The following RASA2 variants were observed in gnomAD, a reference collection of about 807,000 sequenced individuals.
The protein encoded by RASA2 is ras GTPase-activating protein 2.
In RASA2, 155 loss-of-function variants were observed where a neutral mutation model predicts 118.2. The ratio of observed to expected loss-of-function variants is 1.31; its 90% CI spans 1.15 to 1.50. The LOEUF (loss-of-function observed/expected upper bound fraction) is 1.50. Among genes scored for constraint, RASA2 ranks in the 40% most tolerant of loss-of-function variants. RASA2 has a pLI of 0.00. For missense variants in RASA2, 1,016 were observed against 1,009.6 expected (o/e 1.01, Z -0.09); for synonymous variants, 353 against 349.1 (o/e 1.01, Z -0.12).
chr3:141,586,884 C>T (rs185941246), intron 19 of RASA2, 132 bp downstream of exon 19: 52 of 752,752 alleles, frequency 6.9e-5, no homozygotes, highest in Middle Eastern at 2.3e-4. Flanking sequence ...CTGATACATA[C>T]GTACTAAGAA....
Position 141,559,993 on chromosome 3 carries a change from C to T in RASA2, c.861C>T (p.Ala287=). Residue 287 remains alanine (A), a splice_region_variant and synonymous_variant, in exon 9 of 24, where the codon GCC becomes GCT. Coordinates refer to ENST00000286364, the MANE Select transcript of RASA2 (RefSeq NM_006506.5). ...TAAGAACTGATTCCTCTCATCAAGC[C>T]TGGTAAGGGCCCAGCATTTTAGTGA... is the stretch of plus-strand genomic sequence containing the variant. ...NVLRTDSSHQ[A]WYLLQPRDNG... is the part of the protein sequence containing the mutation. 6.2e-7 allele frequency: 1 copy of T among 1,610,422 alleles called. No individual in the cohort carries two copies. Among genetic ancestry groups the T allele is most frequent in the Non-Finnish European group, 8.5e-7 (1 of 1,176,964 alleles).
intron 1 of RASA2, among the ~76,000 whole-genome samples, chr3:141,497,002 C>A (rs1291795998): frequency 6.6e-6 from 1 of 152,128 alleles, no homozygotes; most frequent in East Asian, 1.9e-4. Flanking sequence ...TGGATGAATT[C>A]ATGTCCTTTG....
intron 19 of RASA2, among the ~76,000 whole-genome samples, chr3:141,591,980 C>T (rs1418567850): frequency 1.3e-5 from 2 of 151,804 alleles, no homozygotes; most frequent in Non-Finnish European, 2.9e-5. Flanking sequence ...ATGTACCAGA[C>T]ACTGTTCTAG....
In RASA2 at chr3:141,602,612, T is replaced by C. The variant is rs115343132; in HGVS notation, c.1934-5066T>C. Among the ~76,000 whole-genome samples the C allele has an allele frequency of 5.7e-4, 87 of 152,314 alleles. No homozygotes were observed. The South Asian group carries it at 0.017, about 29-fold the overall frequency. On this transcript the variant is annotated intron_variant, in intron 19 of 23. Transcript: ENST00000286364. Reference sequence around the variant, plus strand: ...GTTTGTTCTGAATGCTTGCCTAGACTAAAACTGCAGTCTCTCTCTCTTACT... The same window carrying C: ...GTTTGTTCTGAATGCTTGCCTAGACCAAAACTGCAGTCTCTCTCTCTTACT...
intron 1 of RASA2, among the ~76,000 whole-genome samples, chr3:141,506,531 A>T (rs1301982744): frequency 6.6e-6 from 1 of 152,168 alleles, no homozygotes; most frequent in Non-Finnish European, 1.5e-5. Flanking sequence ...ATTCTTATTA[A>T]TTTAGGGTCA....
chr3:141,487,097 C>T lies in RASA2; in HGVS notation c.14C>T (p.Ala5Val), dbSNP rs1394181436. The change falls in exon 1 of 24, where the codon GCG (alanine) becomes GTG (valine). Residue 5 changes from alanine (A) to valine (V), a missense_variant. Ala to Val is a moderately conservative substitution (Grantham distance 64, BLOSUM62 0). Transcript: ENST00000286364. MAAA[A>V]PAAAAASSEA... ...CCGGGCGGCACCATGGCGGCGGCGG[C>T]GCCTGCTGCTGCGGCGGCTTCTTCC... 7.2e-6 allele frequency: 10 copies of T among 1,381,086 alleles called. No individual in the cohort carries two copies. In the Admixed American group the frequency reaches 2.0e-4, roughly 28 times the overall value. 85.6% of individuals were successfully genotyped at this position (1,381,086 alleles called of 1,614,324 possible).
intron 1 of RASA2, among the ~76,000 whole-genome samples, chr3:141,508,111 T>C (rs1367931424): frequency 6.6e-6 from 1 of 152,130 alleles, no homozygotes; most frequent in East Asian, 1.9e-4. Flanking sequence ...TTTTATTGTT[T>C]TATAATGACT....
At chr3:141,547,692 A>G (rs111510606) in intron 5 of RASA2, among the ~76,000 whole-genome samples, 3,373 of 152,130 alleles carry the variant, frequency 0.022, 131 homozygotes, top group African/African-American at 0.076. Context: ...CTTTATTTCT[A>G]TCTCTTGTCT....
At chr3:141,551,214 A>G (rs2082570279) in intron 5 of RASA2, among the ~76,000 whole-genome samples, 1 of 152,216 alleles carries the variant, frequency 6.6e-6, no homozygotes, top group Non-Finnish European at 1.5e-5. Flanking sequence ...TGGTTAAGTT[A>G]CTTAGAAACA....
At chr3:141,583,146 G>T (rs1305203770) in intron 17 of RASA2, among the ~76,000 whole-genome samples, 1 of 152,140 alleles carries the variant, frequency 6.6e-6, no homozygotes. Context: ...ATTATTGGCT[G>T]GGTGCAGTGG....
At chr3:141,530,826 A>G (rs547896342) in intron 4 of RASA2, among the ~76,000 whole-genome samples, 1 of 152,100 alleles carries the variant, frequency 6.6e-6, no homozygotes, top group Non-Finnish European at 1.5e-5. Context: ...GACCATAGCT[A>G]TTATTCAGAT....
intron 5 of RASA2, among the ~76,000 whole-genome samples, chr3:141,542,413 C>T (rs1230436918): frequency 6.6e-6 from 1 of 152,150 alleles, no homozygotes; most frequent in East Asian, 1.9e-4. Context: ...CTGTTATCCT[C>T]ATTTTGCAGA....
intron 4 of RASA2, among the ~76,000 whole-genome samples, chr3:141,534,983 TA>T (rs886213601): frequency 3.3e-5 from 5 of 152,210 alleles, no homozygotes; most frequent in African/African-American, 1.2e-4. Flanking sequence ...GAAGTTGGGA[TA>T]TTTTTCACCT....
At chr3:141,515,124 G>A (rs150171044) in intron 2 of RASA2, among the ~76,000 whole-genome samples, 183 of 152,114 alleles carry the variant, frequency 1.2e-3, no homozygotes, top group African/African-American at 4.2e-3. Context: ...CTTTAAATTG[G>A]ATTTTTATTG....
intron 5 of RASA2, among the ~76,000 whole-genome samples, chr3:141,544,510 T>C (rs549559486): frequency 6.6e-6 from 1 of 152,324 alleles, no homozygotes; most frequent in East Asian, 1.9e-4. Context: ...GTCTTCAAGT[T>C]CACTGATTCT....
intron 3 of RASA2, among the ~76,000 whole-genome samples, chr3:141,525,582 G>A (rs1196089555): frequency 6.6e-6 from 1 of 152,112 alleles, no homozygotes; most frequent in Non-Finnish European, 1.5e-5. Context: ...AAGGCAGTTG[G>A]ACTGCTTAAG....
chr3:141,549,472 AGTGTGTGTGTGCGT>A (rs1225195631), intron 5 of RASA2, among the ~76,000 whole-genome samples: 1 of 134,724 alleles, frequency 7.4e-6, no homozygotes. Context: ...AGTGTGTATG[AGTGTGTGTGTGCGT>A]GTGTGTGTGT....
chr3:141,600,430 G>A (rs928748229), intron 19 of RASA2: 3 of 427,270 alleles, frequency 7.0e-6, no homozygotes, highest in African/African-American at 2.1e-5. Flanking sequence ...TGCAGCCCCC[G>A]ACCACATTCT....
At chr3:141,549,625 C>G (rs533887735) in intron 5 of RASA2, among the ~76,000 whole-genome samples, 43 of 152,196 alleles carry the variant, frequency 2.8e-4, no homozygotes, top group Middle Eastern at 6.8e-3. Context: ...ATATTGAAAA[C>G]TTGAAATACA....
Sources: gnomAD v4.1 joint callset for allele counts (sites outside exome capture counted in the v4.1 genomes callset) on GRCh38, gnomAD v4.1.1 for gene constraint, MANE v1.5 for transcripts, NCBI Gene and HGNC (gene_info 2026-07-23, HGNC 2026-07-21) for gene names.